The following ZNF587 variants were observed in gnomAD, a reference collection of about 807,000 sequenced individuals.
ZNF587 encodes the protein zinc finger protein zfp6.
A neutral mutation model predicts 7.5 loss-of-function variants in ZNF587; 8 were observed. The ratio of observed to expected loss-of-function variants is 1.06; its 90% CI spans 0.62 to 1.92. The LOEUF is 1.92. Ranked by LOEUF, ZNF587 falls within the 40% of genes most tolerant of loss-of-function variation. The pLI is 0.00. For synonymous variants in ZNF587, 145 were observed against 237.8 expected (o/e 0.61, Z 3.59); for missense variants, 468 against 692.8 (o/e 0.68, Z 3.64).
In ZNF587 at chr19:57,856,213, T is replaced by A. The variant is rs768337082; in HGVS notation, c.143T>A (p.Leu48Gln). 1.3e-6 allele frequency: 2 copies of A among 1,594,660 alleles called. No homozygotes were observed. Among genetic ancestry groups the A allele is most frequent in the South Asian group, 2.2e-5 (2 of 89,656 alleles). The change falls in exon 2 of 3, where the codon CTG becomes CAG. Residue 48 changes from leucine to glutamine, a missense_variant. Around this residue, in one of 5 missense-constraint regions of ZNF587, gnomAD observed 92 missense variants for 89.7 expected, o/e 1.03. Transcript: ENST00000339656. ...CLYRDVMLEN[L>Q]ALISSLGCWC... is the part of the protein sequence containing the mutation. ...TACCGTGATGTGATGCTAGAGAACC[T>A]GGCTCTCATATCCTCGCTGGGTAAG... is the stretch of plus-strand genomic sequence containing the variant.
chr19:57,852,167 G>A, intron 1 of ZNF587: 1 of 393,002 alleles, frequency 2.5e-6, no homozygotes, highest in Non-Finnish European at 4.5e-6. Flanking sequence ...TTTGATCCGA[G>A]GACCCTGGAG....
chr19:57,858,434 C>G lies in ZNF587; in HGVS notation c.164-142C>G, dbSNP rs1490712806. 6.2e-6 allele frequency: 9 copies of G among 1,457,576 alleles called. No homozygotes were observed. In the Admixed American group the frequency reaches 1.9e-4, roughly 30 times the overall value. The allele number at this position is 1,457,576 out of a possible 1,614,324, so 90.3% of individuals were successfully genotyped here. On this transcript the variant is annotated intron_variant, in intron 2 of 2. Coordinates refer to ENST00000339656, the MANE Select transcript of ZNF587 (RefSeq NM_032828.4). Reference sequence around the variant, plus strand: ...GAGCCACCATGCCCAGCCAGCAGCCCCATCTTCAACTTGAAGCCAACATTG... The same window carrying G: ...GAGCCACCATGCCCAGCCAGCAGCCGCATCTTCAACTTGAAGCCAACATTG...
In ZNF587 at chr19:57,850,085, C is replaced by T. The variant is rs570037570; in HGVS notation, c.33+14C>T. 7.4e-6 allele frequency: 12 copies of T among 1,614,258 alleles called. No homozygotes were observed. The highest frequency in any genetic ancestry group is 3.3e-5 in the South Asian group (3 of 91,084). On this transcript the variant is annotated intron_variant, in intron 1 of 2. Coordinates refer to ENST00000339656, the MANE Select transcript of ZNF587 (RefSeq NM_032828.4). ...CGCCCAACTCAGGTAATTGTGGTGC[C>T]TTCTGTGCCCTCAGGTCACCCCATC... is the stretch of plus-strand genomic sequence containing the variant.
rs2122383132 is a variant in ZNF587 at position 57,864,687 on chromosome 19, A to T, written c.*4547A>T. On this transcript the variant is annotated 3_prime_UTR_variant, in exon 3 of 3. Coordinates refer to ENST00000339656, the MANE Select transcript of ZNF587 (RefSeq NM_032828.4). ...ATCTTTGATGATTTTTAATCAACAT[A>T]GGAGTTTCAATGATATCTAGAAGTT... 1 of 152,360 alleles carries T rather than the reference A, an allele frequency of 6.6e-6. No homozygotes were observed. The highest frequency in any genetic ancestry group is 2.1e-4 in the South Asian group (1 of 4,830). 9.4% of individuals were successfully genotyped at this position (152,360 alleles called of 1,614,324 possible).
At chr19:57,853,825 G>A (rs10853900) in intron 1 of ZNF587, 42,305 of 149,096 alleles carry the variant, frequency 0.28, 6,292 homozygotes, top group East Asian at 0.43. Flanking sequence ...GTGCCATCTC[G>A]GCTCACTGCA....
rs140208357 is a variant in ZNF587 at position 57,856,596 on chromosome 19, G to T, written c.163+363G>T. ...CTAATTTTTTTTGTTTTTTAGTAGA[G>T]ACGAGGTTTCACCGTGTTAGCCAGG... On this transcript the variant is annotated intron_variant, in intron 2 of 2. Coordinates refer to ENST00000339656, the MANE Select transcript of ZNF587 (RefSeq NM_032828.4). Among the ~76,000 whole-genome samples, 9 of 151,864 alleles carry T rather than the reference G, an allele frequency of 5.9e-5. No individual in the cohort carries two copies. The East Asian group carries it at 1.7e-3, about 29-fold the overall frequency.
intron 1 of ZNF587, chr19:57,851,587 T>G (rs149321147): frequency 6.5e-6 from 1 of 153,656 alleles, no homozygotes; most frequent in Admixed American, 6.5e-5. Context: ...GGCAATGGCC[T>G]GCAGATGGAC....
At chr19:57,858,069 A>C (rs1182493048) in intron 2 of ZNF587, 1 of 160,870 alleles carries the variant, frequency 6.2e-6, no homozygotes, top group Non-Finnish European at 1.3e-5. Context: ...TTACATCATG[A>C]AGCCTCCTGG....
At position 57,850,065 on chromosome 19, in the gene ZNF587, A is replaced by G. The variant is rs373843081; in HGVS notation, c.27A>G (p.Pro9=). Reference sequence around the variant, plus strand: ...TGGCAGCGGCTGTGCCGAGGCGCCCAACTCAGGTAATTGTGGTGCCTTCTG... The same window carrying G: ...TGGCAGCGGCTGTGCCGAGGCGCCCGACTCAGGTAATTGTGGTGCCTTCTG... The part of the protein sequence containing the change: MAAAVPRR[P]TQQGTVTFED... The change falls in exon 1 of 3, where the codon CCA becomes CCG. Residue 9 remains proline, a synonymous_variant. Transcript: ENST00000339656. The G allele has an allele frequency of 8.9e-4, 1,432 of 1,614,036 alleles. 7 individuals carry two copies. The highest frequency in any genetic ancestry group is 6.2e-3 in the East Asian group (277 of 44,836).
At chr19:57,856,346 A>T in intron 2 of ZNF587, 113 bp downstream of exon 2, 1 of 1,483,746 alleles carries the variant, frequency 6.7e-7, no homozygotes, top group South Asian at 1.4e-5. Flanking sequence ...TTCCTTCTGC[A>T]CTTCTCTGTG....
At chr19:57,857,595 T>C (rs1157536273) in intron 2 of ZNF587, among the ~76,000 whole-genome samples, 2 of 150,928 alleles carry the variant, frequency 1.3e-5, no homozygotes, top group Non-Finnish European at 2.9e-5. Flanking sequence ...TATATAGATG[T>C]ATATATATGT....
chr19:57,864,610 G>C lies in ZNF587; in HGVS notation c.*4470G>C, dbSNP rs1467169227. The C allele has an allele frequency of 2.0e-5, 3 of 152,126 alleles. No homozygotes were observed. Among genetic ancestry groups the C allele is most frequent in the Non-Finnish European group, 4.4e-5 (3 of 68,030 alleles). 9.4% of individuals were successfully genotyped at this position (152,126 alleles called of 1,614,324 possible). A position where few individuals can be genotyped will look rare whatever the true frequency, so the allele number is the denominator to read the frequency against. Reference sequence around the variant, plus strand: ...TATAAGCACATACAGGCACATACATGAAATAGTGATACTTCATTCTCAGTA... The same window carrying C: ...TATAAGCACATACAGGCACATACATCAAATAGTGATACTTCATTCTCAGTA... On this transcript the variant is annotated 3_prime_UTR_variant, in exon 3 of 3. Coordinates refer to ENST00000339656, the MANE Select transcript of ZNF587 (RefSeq NM_032828.4).
intron 2 of ZNF587, 157 bp from the exon 3 acceptor site, chr19:57,858,419 G>A: frequency 1.4e-6 from 2 of 1,439,854 alleles, no homozygotes; most frequent in Non-Finnish European, 1.8e-6. Context: ...GAGCCACCAT[G>A]CCCAGCCAGC....
In ZNF587 at chr19:57,861,085, C is replaced by T. The variant is rs1378935975; in HGVS notation, c.*945C>T. 6.6e-6 allele frequency: 1 copy of T among 152,096 alleles called. No homozygotes were observed. Among genetic ancestry groups the T allele is most frequent in the Admixed American group, 6.6e-5 (1 of 15,256 alleles). 9.4% of individuals were successfully genotyped at this position (152,096 alleles called of 1,614,324 possible). A position where few individuals can be genotyped will look rare whatever the true frequency, so the allele number is the denominator to read the frequency against. On this transcript the variant is annotated 3_prime_UTR_variant, in exon 3 of 3. Transcript: ENST00000339656. ...CCATGCTGGCCAGGCTTGTTATGAA[C>T]TGACCTCAAGTGATCTGCCTGCCTC...
chr19:57,850,524 GGTCT>G lies in ZNF587; in HGVS notation c.33+456_33+459del, dbSNP rs375167744. On this transcript the variant is annotated intron_variant, in intron 1 of 2. Coordinates refer to ENST00000339656, the MANE Select transcript of ZNF587 (RefSeq NM_032828.4). ...GCAGAACTGATTGACCCAGATTACC[GGTCT>G]GTGTGTTGTCCGCTGATCCATCCAG... 67 of 463,666 alleles carry G rather than the reference GGTCT, an allele frequency of 1.4e-4. No individual in the cohort carries two copies. The South Asian group carries it at 3.2e-3, about 22-fold the overall frequency. 28.7% of individuals were successfully genotyped at this position (463,666 alleles called of 1,614,324 possible). A position where few individuals can be genotyped will look rare whatever the true frequency, so the allele number is the denominator to read the frequency against.
At chr19:57,852,467 A>G in intron 1 of ZNF587, 1 of 398,576 alleles carries the variant, frequency 2.5e-6, no homozygotes, top group East Asian at 3.6e-5. Flanking sequence ...TGGATCAGAT[A>G]AGTGGTAAAT....
chr19:57,853,460 T>G (rs2071308925), intron 1 of ZNF587, among the ~76,000 whole-genome samples: 1 of 152,084 alleles, frequency 6.6e-6, no homozygotes, highest in Non-Finnish European at 1.5e-5. Context: ...ATGGGTCCAT[T>G]TAGGAGGACA....
rs1366808445 is a variant in ZNF587, at chr19:57,856,230, C to T, written c.160C>T (p.Leu54=). The T allele has an allele frequency of 6.3e-7, 1 of 1,575,392 alleles. No homozygotes were observed. The highest frequency in any genetic ancestry group is 1.4e-5 in the African/African-American group (1 of 73,444). Residue 54 remains leucine (L), a synonymous_variant, in exon 2 of 3, where the codon CTG becomes TTG. Coordinates refer to ENST00000339656, the MANE Select transcript of ZNF587 (RefSeq NM_032828.4). ...AGAGAACCTGGCTCTCATATCCTCGCTGGGTAAGTTGCTCACGCTCACCTT... is the reference window on the plus strand; with the variant it reads ...AGAGAACCTGGCTCTCATATCCTCGTTGGGTAAGTTGCTCACGCTCACCTT... ...MLENLALISS[L]GCWCGSKDEE...
chr19:57,851,765 C>G (rs994204602), intron 1 of ZNF587: 1 of 152,202 alleles, frequency 6.6e-6, no homozygotes, highest in Non-Finnish European at 1.5e-5. Context: ...CAAATCCAGG[C>G]TTTTAAGAAG....
Sources: gnomAD v4.1 joint callset for allele counts (sites outside exome capture counted in the v4.1 genomes callset) on GRCh38, gnomAD v4.1.1 for gene constraint, gnomAD v4.1.1 regional missense constraint, MANE v1.5 for transcripts, NCBI Gene and HGNC (gene_info 2026-07-23, HGNC 2026-07-21) for gene names.